Variants in TP53AIP1 observed in about 807,000 individuals in gnomAD.
TP53AIP1 encodes the protein tumor protein p53 regulated apoptosis inducing protein 1.
In TP53AIP1, 14 loss-of-function variants were observed where a neutral mutation model predicts 9.5. That is an observed-to-expected ratio of 1.47 (90% CI 0.97 to 2.30). The LOEUF is 2.30. Ranked by LOEUF, TP53AIP1 falls within the 30% of genes most tolerant of loss-of-function variation. TP53AIP1 has a pLI of 0.00. For missense variants in TP53AIP1, 153 were observed against 146.7 expected, an observed-to-expected ratio of 1.04 and a Z score of -0.22; for synonymous variants, 73 against 61.2, an observed-to-expected ratio of 1.19 and a Z score of -0.90.
At position 128,937,026 on chromosome 11, in the gene TP53AIP1, A is replaced by T. The variant is rs1944838250; in HGVS notation, c.142-377T>A. On this transcript the variant is annotated intron_variant, in intron 2 of 3. Coordinates refer to ENST00000531399, the MANE Select transcript of TP53AIP1 (RefSeq NM_022112.3). This position sits in a 1 kb window ranked among gnomAD's most constrained non-coding sequence, Gnocchi z 4.8. ...GGGAGAGAAGTGTGGGCCTCCAGGG[A>T]GGTGTAGGCGCTCCTGGCTCCTGGC... 2 of 1,058,222 alleles carry T rather than the reference A, an allele frequency of 1.9e-6. No homozygotes were observed. Among genetic ancestry groups the T allele is most frequent in the Admixed American group, 4.9e-5 (1 of 20,450 alleles). The allele number at this position is 1,058,222 out of a possible 1,614,324, so 65.6% of individuals were successfully genotyped here.
At position 128,937,491 on chromosome 11, in the gene TP53AIP1, G is replaced by A; in HGVS notation, c.141+187C>T. On this transcript the variant is annotated intron_variant, in intron 2 of 3. Coordinates refer to ENST00000531399, the MANE Select transcript of TP53AIP1 (RefSeq NM_022112.3). The surrounding 1 kb of genome is among the most constrained non-coding windows in gnomAD (Gnocchi z 4.8). The stretch of plus-strand genomic sequence containing the variant: ...CCTCTTGGGACTATTGATCAGGGCT[G>A]TCAGTTCCCAGCTCTGTCCAATGCT... 1.3e-6 allele frequency: 2 copies of A among 1,578,134 alleles called. No individual in the cohort carries two copies. Among genetic ancestry groups the A allele is most frequent in the South Asian group, 1.2e-5 (1 of 86,322 alleles).
rs1386732207 is a variant in TP53AIP1 at position 128,938,716 on chromosome 11, C to T, written c.-76-822G>A. Among the ~76,000 whole-genome samples the T allele has an allele frequency of 2.6e-5, 4 of 152,278 alleles. No individual in the cohort carries two copies. The East Asian group carries it at 7.7e-4, about 29-fold the overall frequency. On this transcript the variant is annotated intron_variant, in intron 1 of 3. Transcript: ENST00000531399. ...CGGCGGGAGCTCTGGAATGGCAGGC[C>T]CCGTCCTTGACAGCCTATCCATGAC...
rs1269170468 is a variant in TP53AIP1 at position 128,937,392 on chromosome 11, A to T, written c.141+286T>A. ...TGCAGCCAGGCACCACCTTCCTTCC[A>T]AAAGCCTTGTTTCTCAGAAAACCTT... On this transcript the variant is annotated intron_variant, in intron 2 of 3. Transcript: ENST00000531399. This position sits in a 1 kb window ranked among gnomAD's most constrained non-coding sequence, Gnocchi z 4.8. 8 of 1,429,624 alleles carry T rather than the reference A, an allele frequency of 5.6e-6. No individual in the cohort carries two copies. The Middle Eastern group carries it at 6.8e-4, about 121-fold the overall frequency. The allele number at this position is 1,429,624 out of a possible 1,614,324, so 88.6% of individuals were successfully genotyped here. A position where few individuals can be genotyped will look rare whatever the true frequency, so the allele number is the denominator to read the frequency against.
rs747780741 is a variant in TP53AIP1, at chr11:128,936,614, G to A, written c.177C>T (p.His59=). The A allele has an allele frequency of 2.3e-5, 37 of 1,588,198 alleles. No homozygotes were observed. The highest frequency in any genetic ancestry group is 3.4e-5 in the South Asian group (3 of 88,372). The part of the protein sequence containing the change: ...SDPLVLGAQV[H]GGCRGIEALS... The stretch of plus-strand genomic sequence containing the variant: ...GAGCTTCTATTCCCCGGCACCCTCC[G>A]TGAACTTGGGCACCCAAAACTAAGG... The change falls in exon 3 of 4, where the codon CAC becomes CAT. Residue 59 remains histidine (H), a synonymous_variant. Coordinates refer to ENST00000531399, the MANE Select transcript of TP53AIP1 (RefSeq NM_022112.3).
At chr11:128,942,476 G>T (rs771790588) in intron 1 of TP53AIP1, among the ~76,000 whole-genome samples, 2 of 152,162 alleles carry the variant, frequency 1.3e-5, no homozygotes, top group Admixed American at 6.5e-5. Context: ...GCACAGCATC[G>T]GCGTCAGCAT....
rs371146783 is a variant in TP53AIP1 at position 128,936,975 on chromosome 11, C to A, written c.142-326G>T. On this transcript the variant is annotated intron_variant, in intron 2 of 3. Transcript: ENST00000531399. Reference sequence around the variant, plus strand: ...CACCCCAGCACACCTGGGCCCTGCACCTCAGACGCTGCGTGTGAGCTTCTG... The same window carrying A: ...CACCCCAGCACACCTGGGCCCTGCAACTCAGACGCTGCGTGTGAGCTTCTG... 9.9e-6 allele frequency: 11 copies of A among 1,110,088 alleles called. No individual in the cohort carries two copies. In the African/African-American group the frequency reaches 1.6e-4, roughly 16 times the overall value. The allele number at this position is 1,110,088 out of a possible 1,614,324, so 68.8% of individuals were successfully genotyped here.
rs576036720 is a variant in TP53AIP1 at position 128,939,769 on chromosome 11, G to A, written c.-76-1875C>T. On this transcript the variant is annotated intron_variant, in intron 1 of 3. Transcript: ENST00000531399. The surrounding 1 kb of genome is among the most constrained non-coding windows in gnomAD (Gnocchi z 4.1). Reference sequence around the variant, plus strand: ...ACAGCTGCTTCTTTTGAAGAACTGGGCTATTCCCATGTAAAGCTGGCTGCA... The same window carrying A: ...ACAGCTGCTTCTTTTGAAGAACTGGACTATTCCCATGTAAAGCTGGCTGCA... 3.3e-5 allele frequency among the ~76,000 whole-genome samples: 5 copies of A among 152,320 alleles called. No homozygotes were observed. The highest frequency in any genetic ancestry group is 9.6e-5 in the African/African-American group (4 of 41,570).
At position 128,937,002 on chromosome 11, in the gene TP53AIP1, G is replaced by A. The variant is rs750025849; in HGVS notation, c.142-353C>T. On this transcript the variant is annotated intron_variant, in intron 2 of 3. Transcript: ENST00000531399. This position sits in a 1 kb window ranked among gnomAD's most constrained non-coding sequence, Gnocchi z 4.8. ...TCAGACGCTGCGTGTGAGCTTCTGG[G>A]GAGAGAAGTGTGGGCCTCCAGGGAG... is the stretch of plus-strand genomic sequence containing the variant. The A allele has an allele frequency of 3.4e-5, 36 of 1,074,480 alleles. No homozygotes were observed. The highest frequency in any genetic ancestry group is 3.9e-5 in the Non-Finnish European group (35 of 886,566). 66.6% of individuals were successfully genotyped at this position (1,074,480 alleles called of 1,614,324 possible).
Position 128,935,878 on chromosome 11 carries a change from G to GA in TP53AIP1, c.254-167dup, listed in dbSNP as rs201695832. 5.6e-4 allele frequency: 736 copies of GA among 1,306,438 alleles called. 11 individuals are homozygous for GA. In the East Asian group the frequency reaches 0.019, roughly 33 times the overall value. The allele number at this position is 1,306,438 out of a possible 1,614,324, so 80.9% of individuals were successfully genotyped here. Reference sequence around the variant, plus strand: ...ATCATTATTCTATCTCCCAAGACAGGAAAAAAAATCTTTAGATTTCATAGA... The same window carrying GA: ...ATCATTATTCTATCTCCCAAGACAGGAAAAAAAAATCTTTAGATTTCATAGA... On this transcript the variant is annotated intron_variant, in intron 3 of 3. Coordinates refer to ENST00000531399, the MANE Select transcript of TP53AIP1 (RefSeq NM_022112.3).
In TP53AIP1 at chr11:128,935,501, G is replaced by A. The variant is rs1052252521; in HGVS notation, c.*90C>T. ...CTAGTCAGCGCTGGAGCCATTTCTC[G>A]ACGGTGCTTTCTGTTTGTTTGTTTG... On this transcript the variant is annotated 3_prime_UTR_variant, in exon 4 of 4. Coordinates refer to ENST00000531399, the MANE Select transcript of TP53AIP1 (RefSeq NM_022112.3). 7.1e-5 allele frequency: 103 copies of A among 1,450,464 alleles called. 1 individual carries two copies. The highest frequency in any genetic ancestry group is 5.7e-4 in the South Asian group (41 of 71,464). 89.8% of individuals were successfully genotyped at this position (1,450,464 alleles called of 1,614,324 possible).
intron 2 of TP53AIP1, chr11:128,936,966 G>T: frequency 1.8e-6 from 2 of 1,130,748 alleles, no homozygotes; most frequent in Non-Finnish European, 2.2e-6. Context: ...AGCACACCTG[G>T]GCCCTGCACC....
At position 128,939,427 on chromosome 11, in the gene TP53AIP1, T is replaced by C. The variant is rs1020590068; in HGVS notation, c.-76-1533A>G. 6.6e-6 allele frequency among the ~76,000 whole-genome samples: 1 copy of C among 152,228 alleles called. No individual in the cohort carries two copies. Among genetic ancestry groups the C allele is most frequent in the Admixed American group, 6.5e-5 (1 of 15,284 alleles). The stretch of plus-strand genomic sequence containing the variant: ...GGTCACCATGTGGCCTGCTGGGGTC[T>C]GCAGGATAGAAGGCGTGAGGTGAAG... On this transcript the variant is annotated intron_variant, in intron 1 of 3. Transcript: ENST00000531399. The surrounding 1 kb of genome is among the most constrained non-coding windows in gnomAD (Gnocchi z 4.1).
At position 128,937,564 on chromosome 11, in the gene TP53AIP1, C is replaced by T; in HGVS notation, c.141+114G>A. On this transcript the variant is annotated intron_variant, in intron 2 of 3. Coordinates refer to ENST00000531399, the MANE Select transcript of TP53AIP1 (RefSeq NM_022112.3). This position sits in a 1 kb window ranked among gnomAD's most constrained non-coding sequence, Gnocchi z 4.8. ...GCAGCTCTGAGGACCCAGATGCTGTCACTGGGTCCTGGTGAGTCTGAAAAC... is the reference window on the plus strand; with the variant it reads ...GCAGCTCTGAGGACCCAGATGCTGTTACTGGGTCCTGGTGAGTCTGAAAAC... 1 of 1,614,122 alleles carries T rather than the reference C, an allele frequency of 6.2e-7. No individual in the cohort carries two copies. Among genetic ancestry groups the T allele is most frequent in the East Asian group, 2.2e-5 (1 of 44,884 alleles).
At chr11:128,941,750 C>T (rs763476455) in intron 1 of TP53AIP1, among the ~76,000 whole-genome samples, 22 of 152,242 alleles carry the variant, frequency 1.4e-4, no homozygotes, top group Non-Finnish European at 2.5e-4. Flanking sequence ...AGTGCCAGCC[C>T]GTGCTTCCTT....
At chr11:128,941,729 G>A (rs1161793760) in intron 1 of TP53AIP1, among the ~76,000 whole-genome samples, 1 of 152,220 alleles carries the variant, frequency 6.6e-6, no homozygotes, top group Non-Finnish European at 1.5e-5. Context: ...GCTCCCTGAG[G>A]AGGGTTTGCC....
In TP53AIP1 at chr11:128,939,632, C is replaced by A. The variant is rs1487950331; in HGVS notation, c.-76-1738G>T. ...ACTGTCCAGACAGAACAAAAGGGAT[C>A]CCCTTTCCAACCCGAAACTGTCGGA... On this transcript the variant is annotated intron_variant, in intron 1 of 3. Transcript: ENST00000531399. This position sits in a 1 kb window ranked among gnomAD's most constrained non-coding sequence, Gnocchi z 4.1. Among the ~76,000 whole-genome samples the A allele has an allele frequency of 3.3e-5, 5 of 152,206 alleles. No individual in the cohort carries two copies. The East Asian group carries it at 9.6e-4, about 29-fold the overall frequency.
intron 1 of TP53AIP1, among the ~76,000 whole-genome samples, chr11:128,941,238 G>C (rs919030734): frequency 6.6e-6 from 1 of 152,088 alleles, no homozygotes; most frequent in Admixed American, 6.5e-5. Flanking sequence ...TTCTTGCCCC[G>C]CTCTGTGCCC....
intron 1 of TP53AIP1, among the ~76,000 whole-genome samples, chr11:128,942,253 T>C (rs1264905964): frequency 6.6e-6 from 1 of 152,140 alleles, no homozygotes; most frequent in Non-Finnish European, 1.5e-5. Flanking sequence ...GCGTCCTTCC[T>C]CTATCCCAGA....
In TP53AIP1 at chr11:128,935,382, T is replaced by C. The variant is rs888789756; in HGVS notation, c.*209A>G. On this transcript the variant is annotated 3_prime_UTR_variant, in exon 4 of 4. Coordinates refer to ENST00000531399, the MANE Select transcript of TP53AIP1 (RefSeq NM_022112.3). ...AACTTCACAAGAATTTTTTTCCAGC[T>C]TTTATTTCAGATTTGGGGATACAGA... is the stretch of plus-strand genomic sequence containing the variant. The C allele has an allele frequency of 9.9e-6, 14 of 1,414,830 alleles. No homozygotes were observed. The highest frequency in any genetic ancestry group is 6.0e-5 in the Admixed American group (2 of 33,236). 87.6% of individuals were successfully genotyped at this position (1,414,830 alleles called of 1,614,324 possible).
Sources: allele counts gnomAD v4.1 joint callset (sites outside exome capture counted in the v4.1 genomes callset), GRCh38; gene constraint gnomAD v4.1.1; non-coding constraint Gnocchi (gnomAD v3.1); transcripts MANE v1.5; gene names NCBI Gene and HGNC (gene_info 2026-07-23, HGNC 2026-07-21).